XPO7: variants seen among roughly 807,000 people sequenced by gnomAD.
XPO7 encodes the protein exportin 7, also known as exportin-7.
Under a neutral mutation model 144.3 loss-of-function variants are expected in XPO7, and 21 were observed. The observed-to-expected ratio is 0.15, with a 90% confidence interval of 0.10 to 0.21. XPO7 has a LOEUF of 0.21. XPO7 is among the 10% of genes least tolerant of loss of function. XPO7 has a pLI of 1.00. For synonymous variants in XPO7, 580 were observed against 499.6 expected (o/e 1.16, Z -2.15); for missense variants, 808 against 1,325.8 (o/e 0.61, Z 6.06).
rs1812223285 is a variant in XPO7 at position 21,976,370 on chromosome 8, T to A, written c.612T>A (p.Asn204Lys). 1 of 1,613,618 alleles carries A rather than the reference T, an allele frequency of 6.2e-7. No individual in the cohort carries two copies. Among genetic ancestry groups the A allele is most frequent in the Non-Finnish European group, 8.5e-7 (1 of 1,179,778 alleles). ...CNLLKQASGKNLNLNDESQHG... is the reference protein window; with the variant it reads ...CNLLKQASGKKLNLNDESQHG... ...AATTTTTACAGGCTTCAGGAAAGAA[T>A]CTAAACTTGAATGATGAAAGTCAGC... Residue 204 changes from asparagine to lysine, a missense_variant, in exon 7 of 28, where the codon AAT (asparagine) becomes AAA (lysine). By Grantham distance (94) the Asn-to-Lys change is moderately conservative (BLOSUM62 0). This residue lies in a region of XPO7 where 223 missense variants were observed against 368.8 expected (regional missense o/e 0.60). Transcript: ENST00000252512.
chr8:21,932,809 C>CACAGGT (rs1435602359), intron 1 of XPO7, among the ~76,000 whole-genome samples: 3 of 152,232 alleles, frequency 2.0e-5, no homozygotes, highest in East Asian at 3.9e-4. Context: ...GTAGGCTATT[C>CACAGGT]ATTGTTTATA....
chr8:21,947,341 A>G (rs1437663741), intron 1 of XPO7, among the ~76,000 whole-genome samples: 1 of 152,224 alleles, frequency 6.6e-6, no homozygotes, highest in East Asian at 1.9e-4. Context: ...AGAAAAATGG[A>G]ATTCAAAAAC....
intron 1 of XPO7, among the ~76,000 whole-genome samples, chr8:21,922,487 C>T (rs1044921400): frequency 1.3e-5 from 2 of 151,802 alleles, no homozygotes; most frequent in African/African-American, 4.8e-5. Context: ...CAAAGCTTTG[C>T]GTGGGAGAAA....
At chr8:21,932,572 T>C (rs527441330) in intron 1 of XPO7, among the ~76,000 whole-genome samples, 62 of 152,136 alleles carry the variant, frequency 4.1e-4, no homozygotes, top group African/African-American at 1.4e-3. Flanking sequence ...GAAGTACACG[T>C]GGTGTTTTGG....
intron 24 of XPO7, among the ~76,000 whole-genome samples, chr8:21,999,952 C>G (rs541248881): frequency 2.0e-5 from 3 of 152,340 alleles, no homozygotes; most frequent in East Asian, 3.9e-4. Flanking sequence ...AGAACAGACA[C>G]ATGAACAAAC....
chr8:22,002,178 T>G lies in XPO7; in HGVS notation c.2849T>G (p.Leu950Arg). Reference protein sequence around the residue: ...DHIVTYLFKQLSRSTKKRTTP... With the variant: ...DHIVTYLFKQRSRSTKKRTTP... ...ATTGTGACATACCTCTTCAAGCAGCTGTCACGTAGCACCAAGAAGAGGACC... is the reference window on the plus strand; with the variant it reads ...ATTGTGACATACCTCTTCAAGCAGCGGTCACGTAGCACCAAGAAGAGGACC... The change falls in exon 25 of 28, where the codon CTG (leucine) becomes CGG (arginine). Residue 950 changes from leucine (L) to arginine (R), a missense_variant. Coordinates refer to ENST00000252512, the MANE Select transcript of XPO7 (RefSeq NM_015024.5). The G allele has an allele frequency of 6.2e-7, 1 of 1,613,182 alleles. No homozygotes were observed. Among genetic ancestry groups the G allele is most frequent in the Non-Finnish European group, 8.5e-7 (1 of 1,179,564 alleles).
rs1812009790 is a variant in XPO7 at position 21,970,232 on chromosome 8, A to G, written c.348A>G (p.Thr116=). Reference sequence around the variant, plus strand: ...TTATTCAGTTATATGCCAGAATCACAAAACTGGGCTGGTTTGACTGTCAGA... The same window carrying G: ...TTATTCAGTTATATGCCAGAATCACGAAACTGGGCTGGTTTGACTGTCAGA... The part of the protein sequence containing the change: ...QALIQLYARI[T]KLGWFDCQKD... Residue 116 remains threonine, a synonymous_variant, in exon 4 of 28, where the codon ACA becomes ACG. Transcript: ENST00000252512. The G allele has an allele frequency of 6.2e-7, 1 of 1,613,902 alleles. No individual in the cohort carries two copies. The highest frequency in any genetic ancestry group is 2.2e-5 in the East Asian group (1 of 44,876).
chr8:21,982,505 A>C, intron 10 of XPO7, 135 bp from the exon 11 acceptor site: 1 of 1,033,134 alleles, frequency 9.7e-7, no homozygotes, highest in South Asian at 1.9e-5. Flanking sequence ...GATGCCATAC[A>C]CAGAACAAAG....
At chr8:21,979,470 C>T (rs1437530550) in intron 8 of XPO7, among the ~76,000 whole-genome samples, 6 of 149,022 alleles carry the variant, frequency 4.0e-5, no homozygotes, top group Admixed American at 4.0e-4. Context: ...TGCAGTGGCG[C>T]GATCTCGGCT....
intron 10 of XPO7, 119 bp downstream of exon 10, chr8:21,981,996 GC>G: frequency 7.6e-7 from 1 of 1,318,764 alleles, no homozygotes; most frequent in Non-Finnish European, 1.0e-6. Context: ...GTCCAGTATA[GC>G]CCTACAGAGT....
chr8:21,928,184 A>G (rs1810524703), intron 1 of XPO7, among the ~76,000 whole-genome samples: 1 of 152,234 alleles, frequency 6.6e-6, no homozygotes, highest in Non-Finnish European at 1.5e-5. Flanking sequence ...TAATGGACTT[A>G]CTGTATACTC....
chr8:21,996,501 A>G (rs1812952221), intron 21 of XPO7, among the ~76,000 whole-genome samples: 1 of 152,224 alleles, frequency 6.6e-6, no homozygotes, highest in Non-Finnish European at 1.5e-5. Flanking sequence ...CTGCCCACAG[A>G]TAAGAAATTA....
chr8:21,960,944 A>G (rs904789854), intron 1 of XPO7, among the ~76,000 whole-genome samples: 71 of 152,374 alleles, frequency 4.7e-4, no homozygotes, highest in African/African-American at 1.6e-3. Context: ...TCATCCATAC[A>G]TACAGAAAAA....
Position 21,984,626 on chromosome 8 carries a change from C to T in XPO7, c.1278-20C>T, listed in dbSNP as rs1411558968. Reference sequence around the variant, plus strand: ...AGTCATATTTTAAGAGAGCTGCCTTCCTTCTTCCCTTGGGAATAGAGATGG... The same window carrying T: ...AGTCATATTTTAAGAGAGCTGCCTTTCTTCTTCCCTTGGGAATAGAGATGG... On this transcript the variant is annotated intron_variant, in intron 11 of 27. Coordinates refer to ENST00000252512, the MANE Select transcript of XPO7 (RefSeq NM_015024.5). 6.3e-7 allele frequency: 1 copy of T among 1,592,464 alleles called. No homozygotes were observed. Among genetic ancestry groups the T allele is most frequent in the African/African-American group, 1.3e-5 (1 of 74,474 alleles).
At chr8:21,921,777 T>C (rs1405655948) in intron 1 of XPO7, among the ~76,000 whole-genome samples, 3 of 152,182 alleles carry the variant, frequency 2.0e-5, no homozygotes, top group African/African-American at 7.2e-5. Flanking sequence ...CTGCAATCTG[T>C]TGGTCTAAAT....
intron 11 of XPO7, among the ~76,000 whole-genome samples, chr8:21,983,885 T>C (rs4872204): frequency 0.58 from 88,751 of 152,014 alleles, 26,548 homozygotes; most frequent in African/African-American, 0.73. Context: ...CATTATCATA[T>C]TGCAGTGTAA....
intron 1 of XPO7, among the ~76,000 whole-genome samples, chr8:21,924,893 A>G (rs1034364046): frequency 1.3e-5 from 2 of 152,206 alleles, no homozygotes; most frequent in African/African-American, 4.8e-5. Flanking sequence ...ATTAATGGTG[A>G]CCACTTAAGC....
At chr8:21,967,079 C>T in intron 2 of XPO7, 76 bp downstream of exon 2, 1 of 1,522,748 alleles carries the variant, frequency 6.6e-7, no homozygotes, top group Non-Finnish European at 8.8e-7. Context: ...GTAGGAATGG[C>T]ATGGGATGGC....
chr8:21,959,917 C>T (rs1718090598), intron 1 of XPO7, among the ~76,000 whole-genome samples: 2 of 152,312 alleles, frequency 1.3e-5, no homozygotes, highest in South Asian at 2.1e-4. Flanking sequence ...CTCTTCTCTG[C>T]CTAAGTTTTA....
Sources: allele counts gnomAD v4.1 joint callset (sites outside exome capture counted in the v4.1 genomes callset), GRCh38; gene constraint gnomAD v4.1.1; regional missense constraint gnomAD v4.1.1; transcripts MANE v1.5; gene names NCBI Gene and HGNC (gene_info 2026-07-23, HGNC 2026-07-21).